The following SELENOI variants were observed in gnomAD, a reference collection of about 807,000 sequenced individuals.
SELENOI encodes ethanolaminephosphotransferase 1.
SELENOI carries 24 observed loss-of-function variants against 50.7 expected under a neutral mutation model. The observed-to-expected ratio is 0.47, with a 90% CI of 0.34 to 0.67. The LOEUF (loss-of-function observed/expected upper bound fraction) is 0.67. Among genes scored for constraint, SELENOI ranks in the 30% least tolerant of loss-of-function variants. SELENOI has a pLI of 0.01. For synonymous variants in SELENOI, 155 were observed against 170.2 expected (o/e 0.91, Z 0.70); for missense variants, 352 against 461.4 (o/e 0.76, Z 2.17).
chr2:26,373,287 T>G (rs1677497579), intron 4 of SELENOI, 80 bp from the exon 5 acceptor site: 4 of 1,483,908 alleles, frequency 2.7e-6, no homozygotes, highest in Non-Finnish European at 2.7e-6. Context: ...TGTTTTGTTT[T>G]TTCCTCCAGT....
At chr2:26,376,775 T>A (rs1387025198) in intron 6 of SELENOI, among the ~76,000 whole-genome samples, 2 of 152,256 alleles carry the variant, frequency 1.3e-5, no homozygotes, top group African/African-American at 4.8e-5. Context: ...GTTTATTCTC[T>A]CTTTTTACTT....
intron 1 of SELENOI, among the ~76,000 whole-genome samples, chr2:26,353,649 T>A (rs1427296644): frequency 6.6e-6 from 1 of 152,234 alleles, no homozygotes; most frequent in Non-Finnish European, 1.5e-5. Flanking sequence ...GATTTATATA[T>A]GTCTGGCAGA....
intron 1 of SELENOI, among the ~76,000 whole-genome samples, chr2:26,362,286 G>A (rs942815396): frequency 1.3e-5 from 2 of 151,952 alleles, no homozygotes; most frequent in Non-Finnish European, 2.9e-5. Context: ...AGCCAGGATG[G>A]TCTCGATCTC....
At chr2:26,354,635 C>T (rs1475380176) in intron 1 of SELENOI, among the ~76,000 whole-genome samples, 1 of 152,094 alleles carries the variant, frequency 6.6e-6, no homozygotes, top group Non-Finnish European at 1.5e-5. Context: ...TCATGATTCG[C>T]CCGCCTTGGC....
chr2:26,371,665 C>A (rs1285832178), intron 4 of SELENOI, among the ~76,000 whole-genome samples: 1 of 152,268 alleles, frequency 6.6e-6, no homozygotes, highest in Non-Finnish European at 1.5e-5. Flanking sequence ...TGGAGACCAG[C>A]CCGGCCAACA....
intron 8 of SELENOI, 35 bp from the exon 9 acceptor site, chr2:26,386,319 T>C: frequency 6.3e-7 from 1 of 1,583,200 alleles, no homozygotes; most frequent in Non-Finnish European, 8.5e-7. Flanking sequence ...AAATTTTTCT[T>C]TTTTTCTCTC....
rs369494577 is a variant in SELENOI at position 26,367,029 on chromosome 2, T to C, written c.236-117T>C. The C allele has an allele frequency of 1.9e-3, 1,620 of 851,574 alleles. 40 individuals carry two copies. The South Asian group carries it at 0.023, about 12-fold the overall frequency. 52.8% of individuals were successfully genotyped at this position (851,574 alleles called of 1,614,324 possible). On this transcript the variant is annotated intron_variant, in intron 3 of 9. Coordinates refer to ENST00000260585, the MANE Select transcript of SELENOI (RefSeq NM_033505.4). The stretch of plus-strand genomic sequence containing the variant: ...ACGTAATTCTGGATTCAAAATATAT[T>C]GTAAAGTACTTTAACTTCTAATGAA...
intron 1 of SELENOI, among the ~76,000 whole-genome samples, chr2:26,347,889 C>G (rs1676837684): frequency 6.6e-6 from 1 of 152,140 alleles, no homozygotes; most frequent in African/African-American, 2.4e-5. Context: ...GATCTTTCCC[C>G]CTTTTTTATT....
At chr2:26,351,930 C>T (rs1259494538) in intron 1 of SELENOI, among the ~76,000 whole-genome samples, 1 of 152,120 alleles carries the variant, frequency 6.6e-6, no homozygotes, top group Non-Finnish European at 1.5e-5. Context: ...TTGCTTGAGC[C>T]CAGTAGTTTG....
At chr2:26,353,183 T>C (rs1199947576) in intron 1 of SELENOI, among the ~76,000 whole-genome samples, 4 of 152,184 alleles carry the variant, frequency 2.6e-5, no homozygotes, top group Non-Finnish European at 4.4e-5. Context: ...GGCAGGGTTT[T>C]ATGAAACAGC....
chr2:26,381,486 A>G (rs1368858593), intron 6 of SELENOI, among the ~76,000 whole-genome samples: 2 of 152,052 alleles, frequency 1.3e-5, no homozygotes, highest in Non-Finnish European at 2.9e-5. Context: ...GGCTTTCTAC[A>G]TGCTCACTAT....
Position 26,391,334 on chromosome 2 carries a change from A to T in SELENOI, c.*2231A>T, listed in dbSNP as rs1677963986. The stretch of plus-strand genomic sequence containing the variant: ...CTTGAGGATCTTTAGTGTACTGCTG[A>T]CTCTTTTTCTTGTTTTGTCTGCCAT... On this transcript the variant is annotated 3_prime_UTR_variant, in exon 10 of 10. Coordinates refer to ENST00000260585, the MANE Select transcript of SELENOI (RefSeq NM_033505.4). 1 of 151,936 alleles carries T rather than the reference A, an allele frequency of 6.6e-6. No homozygotes were observed. The highest frequency in any genetic ancestry group is 2.1e-4 in the South Asian group (1 of 4,818). 9.4% of individuals were successfully genotyped at this position (151,936 alleles called of 1,614,324 possible).
At chr2:26,364,232 C>G in intron 1 of SELENOI, 70 bp from the exon 2 acceptor site, 3 of 1,143,062 alleles carry the variant, frequency 2.6e-6, no homozygotes, top group East Asian at 2.6e-5. Flanking sequence ...TTATTTTCAC[C>G]TAAGAAATGT....
chr2:26,360,313 A>G (rs569522048), intron 1 of SELENOI, among the ~76,000 whole-genome samples: 2 of 152,288 alleles, frequency 1.3e-5, no homozygotes, highest in East Asian at 3.9e-4. Flanking sequence ...GCCTTCTATA[A>G]TCTATTAATC....
chr2:26,382,659 A>T (rs1181501040), intron 6 of SELENOI, among the ~76,000 whole-genome samples: 3 of 152,076 alleles, frequency 2.0e-5, no homozygotes, highest in Non-Finnish European at 4.4e-5. Context: ...TGGGGAGAGA[A>T]CCAGTGTGCG....
At position 26,370,967 on chromosome 2, in the gene SELENOI, C is replaced by T. The variant is rs1447003911; in HGVS notation, c.311-2400C>T. On this transcript the variant is annotated intron_variant, in intron 4 of 9. Coordinates refer to ENST00000260585, the MANE Select transcript of SELENOI (RefSeq NM_033505.4). ...CTCCCTCCCGGATGGGGCGGCTGGCCGGGCGGGGGGCTGACCCCCCCACCT... is the reference window on the plus strand; with the variant it reads ...CTCCCTCCCGGATGGGGCGGCTGGCTGGGCGGGGGGCTGACCCCCCCACCT... Among the ~76,000 whole-genome samples the T allele has an allele frequency of 4.5e-4, 58 of 130,178 alleles. 2 individuals are homozygous for T. Among genetic ancestry groups the T allele is most frequent in the African/African-American group, 1.7e-3 (57 of 33,932 alleles). 85.4% of individuals were successfully genotyped at this position (130,178 alleles called of 152,430 possible). A position where few individuals can be genotyped will look rare whatever the true frequency, so the allele number is the denominator to read the frequency against.
intron 6 of SELENOI, among the ~76,000 whole-genome samples, chr2:26,379,237 G>T (rs2147959202): frequency 6.6e-6 from 1 of 152,326 alleles, no homozygotes; most frequent in South Asian, 2.1e-4. Flanking sequence ...GCCAGCCTGG[G>T]TGAGAAGAGC....
intron 4 of SELENOI, among the ~76,000 whole-genome samples, chr2:26,370,211 AATTTT>A (rs1160483082): frequency 6.6e-6 from 1 of 151,850 alleles, no homozygotes; most frequent in East Asian, 1.9e-4. Flanking sequence ...AAGGCAGAAG[AATTTT>A]TCTAAGTACA....
chr2:26,363,375 C>A (rs1677222707), intron 1 of SELENOI, among the ~76,000 whole-genome samples: 1 of 152,120 alleles, frequency 6.6e-6, no homozygotes, highest in Admixed American at 6.5e-5. Context: ...CAAAAGGAAA[C>A]ACAGATTCCG....
Sources: gnomAD v4.1 joint callset for allele counts (sites outside exome capture counted in the v4.1 genomes callset) on GRCh38, gnomAD v4.1.1 for gene constraint, MANE v1.5 for transcripts, NCBI Gene and HGNC (gene_info 2026-07-23, HGNC 2026-07-21) for gene names.